CEP250: variants seen among roughly 807,000 people sequenced by gnomAD.
CEP250 encodes centrosomal protein 250.
In CEP250, 242 loss-of-function variants were observed where a neutral mutation model predicts 315.7. The observed-to-expected ratio is 0.77, with a 90% CI of 0.69 to 0.85. The LOEUF (loss-of-function observed/expected upper bound fraction) is 0.85, where lower values mean the gene tolerates loss of function less well. CEP250 is among the 40% of genes least tolerant of loss of function. The probability of loss-of-function intolerance (pLI) is 0.00; values close to 1 mark genes in which losing one functional copy is unlikely to be tolerated. For synonymous variants in CEP250, 1,088 were observed against 1,175.0 expected (o/e 0.93, Z 1.51); for missense variants, 2,515 against 2,886.4 (o/e 0.87, Z 2.95).
intron 34 of CEP250, among the ~76,000 whole-genome samples, chr20:35,510,583 C>T (rs2064328225): frequency 6.6e-6 from 1 of 152,184 alleles, no homozygotes; most frequent in African/African-American, 2.4e-5. Flanking sequence ...TAAGTGTTAC[C>T]TTTTTATTTC....
chr20:35,465,137 A>G (rs2062842858), intron 5 of CEP250, among the ~76,000 whole-genome samples: 2 of 151,592 alleles, frequency 1.3e-5, no homozygotes, highest in African/African-American at 2.4e-5. Context: ...GTGACTTCAC[A>G]GGCTGGGTGT....
chr20:35,492,915 A>C (rs774588227), intron 22 of CEP250, among the ~76,000 whole-genome samples: 1 of 152,024 alleles, frequency 6.6e-6, no homozygotes, highest in Non-Finnish European at 1.5e-5. Context: ...TTTAGTGGAG[A>C]AAGGGTTTCA....
intron 1 of CEP250, among the ~76,000 whole-genome samples, 173 bp from the exon 2 acceptor site, chr20:35,458,131 A>G (rs2062672506): frequency 6.6e-6 from 1 of 152,198 alleles, no homozygotes; most frequent in Non-Finnish European, 1.5e-5. Context: ...GACAAATTCT[A>G]TTTAATACCA....
At chr20:35,501,143 G>A (rs974658932) in intron 28 of CEP250, among the ~76,000 whole-genome samples, 2 of 152,154 alleles carry the variant, frequency 1.3e-5, no homozygotes, top group African/African-American at 4.8e-5. Flanking sequence ...AAGGACAGGA[G>A]AGGAAGGGTC....
rs762664547 is a variant in CEP250, at chr20:35,473,878, A to C, written c.1397A>C (p.Glu466Ala). The change falls in exon 14 of 35, where the codon GAG (glutamate) becomes GCG (alanine). Residue 466 changes from glutamate to alanine, a missense_variant. By Grantham distance (107) the Glu-to-Ala change is moderately radical (BLOSUM62 -1). Transcript: ENST00000397527. Reference protein sequence around the residue: ...GEVDSLSKERELLQKAREELR... With the variant: ...GEVDSLSKERALLQKAREELR... ...TGATTCCCTTCTTCCAGGGAGCGAGAGCTGCTGCAGAAGGCCAGGGAAGAG... is the reference window on the plus strand; with the variant it reads ...TGATTCCCTTCTTCCAGGGAGCGAGCGCTGCTGCAGAAGGCCAGGGAAGAG... The C allele has an allele frequency of 6.2e-7, 1 of 1,611,508 alleles. No individual in the cohort carries two copies. The highest frequency in any genetic ancestry group is 1.1e-5 in the South Asian group (1 of 90,800).
intron 28 of CEP250, 110 bp from the exon 29 acceptor site, chr20:35,501,735 T>G: frequency 7.9e-7 from 1 of 1,272,774 alleles, no homozygotes; most frequent in Non-Finnish European, 1.1e-6. Flanking sequence ...TTCTTGGCCT[T>G]CCTTCCCTTT....
At chr20:35,486,987 A>G (rs185694531) in intron 20 of CEP250, among the ~76,000 whole-genome samples, 29 of 152,336 alleles carry the variant, frequency 1.9e-4, no homozygotes, top group Non-Finnish European at 3.5e-4. Flanking sequence ...TATAGTGGCC[A>G]TATCTGGGTC....
In CEP250 at chr20:35,496,579, T is replaced by G. The variant is rs767743831; in HGVS notation, c.3170T>G (p.Leu1057Arg). The stretch of plus-strand genomic sequence containing the variant: ...CACTCTGACCCCTCTCTTTTTAGCC[T>G]GACTCTCTCACTGATGGAAAAGGAA... The part of the protein sequence containing the change: ...QKELEREKAS[L>R]TLSLMEKEQR... Residue 1057 changes from leucine (L) to arginine (R), a missense_variant and splice_region_variant, in exon 25 of 35, where the codon CTG becomes CGG. Physicochemically the swap from Leu to Arg is moderately radical, Grantham distance 102 (BLOSUM62 -2). Coordinates refer to ENST00000397527, the MANE Select transcript of CEP250 (RefSeq NM_007186.6). 7 of 1,613,732 alleles carry G rather than the reference T, an allele frequency of 4.3e-6. No individual in the cohort carries two copies. The highest frequency in any genetic ancestry group is 5.9e-6 in the Non-Finnish European group (7 of 1,179,854).
chr20:35,494,798 T>C (rs1352787134), intron 24 of CEP250, 141 bp downstream of exon 24: 1 of 923,316 alleles, frequency 1.1e-6, no homozygotes, highest in Non-Finnish European at 1.6e-6. Context: ...GGAGAGGACA[T>C]GGTTCCTGTC....
At chr20:35,491,546 A>C (rs946348913) in intron 22 of CEP250, among the ~76,000 whole-genome samples, 200 bp downstream of exon 22, 2 of 152,130 alleles carry the variant, frequency 1.3e-5, no homozygotes, top group Non-Finnish European at 2.9e-5. Context: ...AGGTGGGTGG[A>C]TCACCTAAGG....
intron 30 of CEP250, among the ~76,000 whole-genome samples, chr20:35,507,497 G>A (rs1320587818): frequency 1.3e-5 from 2 of 152,204 alleles, no homozygotes; most frequent in East Asian, 3.8e-4. Flanking sequence ...TGTGAAGTGA[G>A]CTGGGGGCTC....
chr20:35,483,398 G>C (rs1282097011), intron 20 of CEP250, among the ~76,000 whole-genome samples: 1 of 151,322 alleles, frequency 6.6e-6, no homozygotes, highest in Non-Finnish European at 1.5e-5. Context: ...TGTTACCCAG[G>C]CTGGAGTATA....
intron 11 of CEP250, among the ~76,000 whole-genome samples, chr20:35,472,417 A>G (rs2146780227): frequency 1.3e-5 from 2 of 152,290 alleles, no homozygotes; most frequent in South Asian, 2.1e-4. Flanking sequence ...CAATATCTCA[A>G]TCGTTTCTTC....
Position 35,486,408 on chromosome 20 carries a change from A to AT in CEP250, c.2587-4215dup, listed in dbSNP as rs948174901. On this transcript the variant is annotated intron_variant, in intron 20 of 34. Coordinates refer to ENST00000397527, the MANE Select transcript of CEP250 (RefSeq NM_007186.6). The stretch of plus-strand genomic sequence containing the variant: ...AGGCATGCACCATCATGCCTGGCTA[A>AT]TTTTTTTTTTTTTTGGTAGAGATGT... Among the ~76,000 whole-genome samples, 341 of 142,440 alleles carry AT rather than the reference A, an allele frequency of 2.4e-3. 1 individual carries two copies. Among genetic ancestry groups the AT allele is most frequent in the Middle Eastern group, 7.5e-3 (2 of 268 alleles). 93.4% of individuals were successfully genotyped at this position (142,440 alleles called of 152,430 possible). A position where few individuals can be genotyped will look rare whatever the true frequency, so the allele number is the denominator to read the frequency against.
In CEP250 at chr20:35,467,569, G is replaced by T. The variant is rs531411759; in HGVS notation, c.851+14G>T. 6.2e-7 allele frequency: 1 copy of T among 1,611,940 alleles called. No individual in the cohort carries two copies. Among genetic ancestry groups the T allele is most frequent in the Non-Finnish European group, 8.5e-7 (1 of 1,179,100 alleles). ...ACTTCAGGACCGGTGAGATGGCCTG[G>T]GGTCCCAAGAAGGGTTCGCTGAGAG... is the stretch of plus-strand genomic sequence containing the variant. On this transcript the variant is annotated intron_variant, in intron 9 of 34. Coordinates refer to ENST00000397527, the MANE Select transcript of CEP250 (RefSeq NM_007186.6).
At chr20:35,496,065 C>T (rs927118812) in intron 24 of CEP250, among the ~76,000 whole-genome samples, 4 of 152,006 alleles carry the variant, frequency 2.6e-5, no homozygotes. Flanking sequence ...AGCTAGGGAA[C>T]ATAGTAGGAG....
At chr20:35,482,994 C>T (rs926277283) in intron 20 of CEP250, among the ~76,000 whole-genome samples, 1 of 152,180 alleles carries the variant, frequency 6.6e-6, no homozygotes, top group African/African-American at 2.4e-5. Flanking sequence ...CTCTTTCCTA[C>T]TGTCCTGCTT....
chr20:35,506,980 G>A lies in CEP250; in HGVS notation c.6637-758G>A, dbSNP rs2064203489. ...GTATTCACTCAATAACATAACTCTG[G>A]TCAGAGTCACTTCACCCACTGCCAC... On this transcript the variant is annotated intron_variant, in intron 30 of 34. Transcript: ENST00000397527. Among the ~76,000 whole-genome samples the A allele has an allele frequency of 1.3e-5, 2 of 152,056 alleles. 1 individual carries two copies. Among genetic ancestry groups the A allele is most frequent in the South Asian group, 4.2e-4 (2 of 4,816 alleles).
chr20:35,472,207 T>C, intron 11 of CEP250, 56 bp downstream of exon 11: 1 of 1,016,472 alleles, frequency 9.8e-7, no homozygotes. Context: ...TCCCCAGGTC[T>C]CCATGTCCTT....
Sources: allele counts gnomAD v4.1 joint callset (sites outside exome capture counted in the v4.1 genomes callset), GRCh38; gene constraint gnomAD v4.1.1; transcripts MANE v1.5; gene names NCBI Gene and HGNC (gene_info 2026-07-23, HGNC 2026-07-21).